Variants in ARID3A observed in about 807,000 individuals in gnomAD.
The protein encoded by ARID3A is AT-rich interaction domain 3A.
Under a neutral mutation model 52.7 loss-of-function variants are expected in ARID3A, and 11 were observed. The ratio of observed to expected loss-of-function variants is 0.21; its 90% CI spans 0.13 to 0.35. The LOEUF (loss-of-function observed/expected upper bound fraction) is 0.35, where lower values mean the gene tolerates loss of function less well. Ranked by LOEUF, ARID3A falls within the 10% of genes least tolerant of loss-of-function variation. ARID3A has a pLI of 1.00. For synonymous variants in ARID3A, 404 were observed against 359.4 expected (o/e 1.12, Z -1.40); for missense variants, 721 against 838.5 (o/e 0.86, Z 1.73).
chr19:955,968 G>A (rs1204283473), intron 3 of ARID3A, among the ~76,000 whole-genome samples: 3 of 152,150 alleles, frequency 2.0e-5, no homozygotes, highest in Non-Finnish European at 2.9e-5. Flanking sequence ...GGAGCCTTCC[G>A]CCTCTCCCAG....
At chr19:952,926 T>C (rs946237896) in intron 3 of ARID3A, among the ~76,000 whole-genome samples, 12 of 152,134 alleles carry the variant, frequency 7.9e-5, no homozygotes, top group Admixed American at 3.9e-4. Flanking sequence ...ATAGCCCCCC[T>C]GTGACCTTGG....
At chr19:971,331 G>A (rs1479215607) in intron 8 of ARID3A, among the ~76,000 whole-genome samples, 1 of 152,140 alleles carries the variant, frequency 6.6e-6, no homozygotes, top group Non-Finnish European at 1.5e-5. Context: ...CTAAAATATT[G>A]CCAGCCACAG....
chr19:958,583 TG>T (rs2037972310), intron 3 of ARID3A, among the ~76,000 whole-genome samples: 1 of 152,136 alleles, frequency 6.6e-6, no homozygotes, highest in South Asian at 2.1e-4. Flanking sequence ...AGACCGCAGA[TG>T]GGACGGTGGT....
intron 3 of ARID3A, among the ~76,000 whole-genome samples, chr19:940,632 C>G (rs2037529872): frequency 6.6e-6 from 1 of 152,178 alleles, no homozygotes. Context: ...GATGGTGCAG[C>G]TGGGGCCTTT....
intron 3 of ARID3A, among the ~76,000 whole-genome samples, chr19:937,139 G>A (rs2037453299): frequency 6.6e-6 from 1 of 151,846 alleles, no homozygotes; most frequent in African/African-American, 2.4e-5. Flanking sequence ...GTGGTGGCGG[G>A]CACCTATAAT....
chr19:943,574 AAAAAG>A (rs1488841634), intron 3 of ARID3A, among the ~76,000 whole-genome samples: 2 of 152,254 alleles, frequency 1.3e-5, no homozygotes, highest in East Asian at 3.9e-4. Context: ...TCTCAAAAAA[AAAAAG>A]AAAAGAAAAA....
rs912703255 is a variant in ARID3A, at chr19:973,357, GC to G, written c.*1295del. 1.7e-5 allele frequency: 3 copies of G among 181,420 alleles called. No individual in the cohort carries two copies. Among genetic ancestry groups the G allele is most frequent in the East Asian group, 8.9e-5 (1 of 11,190 alleles). The allele number at this position is 181,420 out of a possible 1,614,324, so 11.2% of individuals were successfully genotyped here. A position where few individuals can be genotyped will look rare whatever the true frequency, so the allele number is the denominator to read the frequency against. On this transcript the variant is annotated 3_prime_UTR_variant, in exon 9 of 9. Coordinates refer to ENST00000263620, the MANE Select transcript of ARID3A (RefSeq NM_005224.3). ...TCGAACTCCTGACCTCAGGTGATCT[GC>G]CCGCCTTGGCCTCCCAAAGTGCTGG...
intron 2 of ARID3A, 26 bp from the exon 3 acceptor site, chr19:932,391 CT>C: frequency 1.3e-6 from 2 of 1,589,926 alleles, no homozygotes; most frequent in Non-Finnish European, 1.7e-6. Context: ...ACCTTCTCCC[CT>C]GACTCCTGCC....
chr19:935,928 C>T (rs2037430600), intron 3 of ARID3A, among the ~76,000 whole-genome samples: 1 of 152,212 alleles, frequency 6.6e-6, no homozygotes. Flanking sequence ...GTAGCTGGGA[C>T]TACAGGCATC....
At chr19:961,328 T>G (rs1637997) in intron 4 of ARID3A, among the ~76,000 whole-genome samples, 99 of 152,314 alleles carry the variant, frequency 6.5e-4, no homozygotes, top group African/African-American at 1.2e-3. Flanking sequence ...GTGGGCCCCC[T>G]GGCCCACACT....
chr19:927,287 G>C (rs1285981965), intron 1 of ARID3A, among the ~76,000 whole-genome samples: 1 of 152,124 alleles, frequency 6.6e-6, no homozygotes, highest in Non-Finnish European at 1.5e-5. Flanking sequence ...ATAAAATGGG[G>C]GTGGGGGTCG....
intron 2 of ARID3A, among the ~76,000 whole-genome samples, chr19:930,787 G>A (rs1424696702): frequency 1.3e-5 from 2 of 151,684 alleles, no homozygotes; most frequent in East Asian, 4.0e-4. Context: ...GGGATTACAG[G>A]CGTGAGCCAC....
At chr19:967,423 G>A (rs2038183058) in intron 7 of ARID3A, among the ~76,000 whole-genome samples, 1 of 152,162 alleles carries the variant, frequency 6.6e-6, no homozygotes, top group Non-Finnish European at 1.5e-5. Context: ...GCTGGGCGTG[G>A]TGACACGCTC....
In ARID3A at chr19:947,872, G is replaced by A. The variant is rs1023666332; in HGVS notation, c.694-12220G>A. ...TCACTTCCCCAATTTCCCCACGCCC[G>A]GCGGGGCTCTCAGCATCTGCATCCG... On this transcript the variant is annotated intron_variant, in intron 3 of 8. Coordinates refer to ENST00000263620, the MANE Select transcript of ARID3A (RefSeq NM_005224.3). The surrounding 1 kb of genome is among the most constrained non-coding windows in gnomAD (Gnocchi z 6.3). Among the ~76,000 whole-genome samples, 4 of 152,206 alleles carry A rather than the reference G, an allele frequency of 2.6e-5. No individual in the cohort carries two copies. The highest frequency in any genetic ancestry group is 1.9e-4 in the East Asian group (1 of 5,186).
At chr19:952,374 T>G (rs2037817346) in intron 3 of ARID3A, among the ~76,000 whole-genome samples, 1 of 129,088 alleles carries the variant, frequency 7.7e-6, no homozygotes, top group African/African-American at 3.0e-5. Flanking sequence ...CCTGAGAGGC[T>G]GAGGCTGCAG....
At chr19:971,012 A>G (rs1480402598) in intron 8 of ARID3A, among the ~76,000 whole-genome samples, 1 of 152,194 alleles carries the variant, frequency 6.6e-6, no homozygotes, top group African/African-American at 2.4e-5. Flanking sequence ...GAGAAGGCCA[A>G]CTGTGTGCTA....
Position 964,756 on chromosome 19 carries a change from G to T in ARID3A, c.951-77G>T, listed in dbSNP as rs1490551134. 6.5e-7 allele frequency: 1 copy of T among 1,539,754 alleles called. No homozygotes were observed. Among genetic ancestry groups the T allele is most frequent in the Non-Finnish European group, 8.8e-7 (1 of 1,139,258 alleles). On this transcript the variant is annotated intron_variant, in intron 5 of 8. Coordinates refer to ENST00000263620, the MANE Select transcript of ARID3A (RefSeq NM_005224.3). This position sits in a 1 kb window ranked among gnomAD's most constrained non-coding sequence, Gnocchi z 5.7. ...CCAGGGATGGTGGTGCCACAGTGGG[G>T]TTTACTTTGTACTGAAGGCCAAAGA...
Position 959,768 on chromosome 19 carries a change from G to T in ARID3A, c.694-324G>T, listed in dbSNP as rs567823963. ...TGGAGACGGAGGCAGAGACTGGAGC[G>T]CTGCGGCCACAAGCCAGGACGCACC... On this transcript the variant is annotated intron_variant, in intron 3 of 8. Coordinates refer to ENST00000263620, the MANE Select transcript of ARID3A (RefSeq NM_005224.3). The surrounding 1 kb of genome is among the most constrained non-coding windows in gnomAD (Gnocchi z 5.0). Among the ~76,000 whole-genome samples, 1 of 152,092 alleles carries T rather than the reference G, an allele frequency of 6.6e-6. No homozygotes were observed. Among genetic ancestry groups the T allele is most frequent in the African/African-American group, 2.4e-5 (1 of 41,396 alleles).
chr19:926,382 A>C (rs2037198713), intron 1 of ARID3A, among the ~76,000 whole-genome samples: 1 of 150,876 alleles, frequency 6.6e-6, no homozygotes, highest in Non-Finnish European at 1.5e-5. Flanking sequence ...CCCCGCTTGG[A>C]GACTTCACTC....
Sources: gnomAD v4.1 joint callset for allele counts (sites outside exome capture counted in the v4.1 genomes callset) on GRCh38, gnomAD v4.1.1 for gene constraint, Gnocchi (gnomAD v3.1) non-coding constraint, MANE v1.5 for transcripts, NCBI Gene and HGNC (gene_info 2026-07-23, HGNC 2026-07-21) for gene names.